The following PLEKHA4 variants were observed in gnomAD, a reference collection of about 807,000 sequenced individuals.
The protein encoded by PLEKHA4 is pleckstrin homology domain-containing family A member 4.
Under a neutral mutation model 94.7 loss-of-function variants are expected in PLEKHA4, and 73 were observed. The observed-to-expected ratio is 0.77, with a 90% CI of 0.64 to 0.94. The LOEUF (loss-of-function observed/expected upper bound fraction) is 0.94, where lower values mean the gene tolerates loss of function less well. Ranked by LOEUF, PLEKHA4 falls within the 40% of genes least tolerant of loss-of-function variation. The pLI, the probability that PLEKHA4 is intolerant of heterozygous loss-of-function variation, is 0.00. For synonymous variants in PLEKHA4, 449 were observed against 437.1 expected, an observed-to-expected ratio of 1.03 and a Z score of -0.34; for missense variants, 1,049 against 1,054.1, an observed-to-expected ratio of 1.00 and a Z score of 0.07.
chr19:48,848,261 C>A (rs189042854), intron 13 of PLEKHA4, among the ~76,000 whole-genome samples: 1 of 148,754 alleles, frequency 6.7e-6, no homozygotes, highest in Non-Finnish European at 1.5e-5. Context: ...CCGAGGCGGG[C>A]GGATCACGAG....
chr19:48,850,647 G>A (rs1402872958), intron 13 of PLEKHA4, among the ~76,000 whole-genome samples: 2 of 147,648 alleles, frequency 1.4e-5, no homozygotes, highest in Admixed American at 6.8e-5. Flanking sequence ...GAGAAACCCC[G>A]TCTCTCATAA....
At chr19:48,839,608 A>T (rs1327200139) in intron 17 of PLEKHA4, among the ~76,000 whole-genome samples, 1 of 151,768 alleles carries the variant, frequency 6.6e-6, no homozygotes, top group African/African-American at 2.4e-5. Context: ...TTTAGTAGAG[A>T]CAGAGTCTTG....
At position 48,860,299 on chromosome 19, in the gene PLEKHA4, G is replaced by A. The variant is rs1285047058; in HGVS notation, c.476+51C>T. On this transcript the variant is annotated intron_variant, in intron 6 of 19. Transcript: ENST00000263265. ...CCCAAAGGGGAGGAGTTGGGATGAC[G>A]AGACTGACTCAGGGTGGAGGGTCAG... is the stretch of plus-strand genomic sequence containing the variant. 2.3e-5 allele frequency: 34 copies of A among 1,494,664 alleles called. No individual in the cohort carries two copies. In the Admixed American group the frequency reaches 5.7e-4, roughly 25 times the overall value. 92.6% of individuals were successfully genotyped at this position (1,494,664 alleles called of 1,614,324 possible).
intron 18 of PLEKHA4, among the ~76,000 whole-genome samples, chr19:48,838,980 C>G (rs17206679): frequency 0.1 from 15,257 of 151,814 alleles, 1,032 homozygotes; most frequent in Non-Finnish European, 0.15. Flanking sequence ...TTCCTTGATG[C>G]AGAAGTAGGA....
chr19:48,858,850 C>G lies in PLEKHA4; in HGVS notation c.972+10G>C, dbSNP rs896340286. On this transcript the variant is annotated intron_variant, in intron 8 of 19. Coordinates refer to ENST00000263265, the MANE Select transcript of PLEKHA4 (RefSeq NM_020904.3). ...AAACGTAGTCCCCTCCTTCTCACCTCTCTGCTCACCTGTGTTCTGGGCTCC... is the reference window on the plus strand; with the variant it reads ...AAACGTAGTCCCCTCCTTCTCACCTGTCTGCTCACCTGTGTTCTGGGCTCC... 9.3e-6 allele frequency: 15 copies of G among 1,613,298 alleles called. No individual in the cohort carries two copies. The highest frequency in any genetic ancestry group is 1.2e-5 in the Non-Finnish European group (14 of 1,179,798).
chr19:48,859,698 A>G lies in PLEKHA4; in HGVS notation c.477-14T>C, dbSNP rs1599921452. The G allele has an allele frequency of 1.9e-6, 3 of 1,605,626 alleles. No individual in the cohort carries two copies. The highest frequency in any genetic ancestry group is 2.7e-5 in the African/African-American group (2 of 74,818). On this transcript the variant is annotated splice_polypyrimidine_tract_variant and intron_variant, in intron 6 of 19. Transcript: ENST00000263265. ...CTGGGTTGCCCACTAGCGAGTGGAC[A>G]TAGACAAGATATCACTCCTTCGAAC...
chr19:48,845,995 A>T (rs2035955770), intron 14 of PLEKHA4, among the ~76,000 whole-genome samples: 1 of 144,486 alleles, frequency 6.9e-6, no homozygotes, highest in African/African-American at 2.6e-5. Flanking sequence ...TGGGCGGCAG[A>T]GCAAGACTCT....
intron 3 of PLEKHA4, among the ~76,000 whole-genome samples, chr19:48,862,828 T>C (rs2036696177): frequency 6.6e-6 from 1 of 152,244 alleles, no homozygotes; most frequent in Admixed American, 6.5e-5. Flanking sequence ...TTTCAAACTA[T>C]GCTCTGGAAC....
chr19:48,858,705 G>T (rs1223968038), intron 8 of PLEKHA4, among the ~76,000 whole-genome samples, 155 bp downstream of exon 8: 1 of 149,176 alleles, frequency 6.7e-6, no homozygotes, highest in Non-Finnish European at 1.5e-5. Flanking sequence ...CTGGACACCT[G>T]ATAGGTTCAA....
chr19:48,845,816 C>T (rs2035948073), intron 14 of PLEKHA4, among the ~76,000 whole-genome samples, 200 bp from the exon 15 acceptor site: 1 of 150,978 alleles, frequency 6.6e-6, no homozygotes, highest in Admixed American at 6.6e-5. Context: ...TCCAGACCAG[C>T]TTAGTCCAAC....
At chr19:48,851,455 A>G in intron 13 of PLEKHA4, among the ~76,000 whole-genome samples, 1 of 151,062 alleles carries the variant, frequency 6.6e-6, no homozygotes, top group East Asian at 2.0e-4. Flanking sequence ...CGTCTCTACT[A>G]AAAATACAAA....
In PLEKHA4 at chr19:48,857,483, G is replaced by A; in HGVS notation, c.986C>T (p.Ser329Phe). The A allele has an allele frequency of 6.4e-7, 1 of 1,559,840 alleles. No individual in the cohort carries two copies. Among genetic ancestry groups the A allele is most frequent in the South Asian group, 1.2e-5 (1 of 85,128 alleles). Residue 329 changes from serine to phenylalanine, a missense_variant, in exon 9 of 20, where the codon TCC (serine) becomes TTC (phenylalanine). By Grantham distance (155) the Ser-to-Phe change is radical. Coordinates refer to ENST00000263265, the MANE Select transcript of PLEKHA4 (RefSeq NM_020904.3). ...CGGGGGGAGCTGGAGATAAGTGGGG[G>A]AGCCAGAGTGTGCCTGGGAGGAACG... ...QEPRTQAHSG[S>F]PTYLQLPPRP...
In PLEKHA4 at chr19:48,859,799, A is replaced by T; in HGVS notation, c.477-115T>A. 6 of 921,680 alleles carry T rather than the reference A, an allele frequency of 6.5e-6. No homozygotes were observed. In the South Asian group the frequency reaches 9.0e-5, roughly 14 times the overall value. The allele number at this position is 921,680 out of a possible 1,614,324, so 57.1% of individuals were successfully genotyped here. On this transcript the variant is annotated intron_variant, in intron 6 of 19. Coordinates refer to ENST00000263265, the MANE Select transcript of PLEKHA4 (RefSeq NM_020904.3). ...CAAAAAAGGAAAGTTGTGCACTATA[A>T]ATCATCGTCCCCCTTCTTCAGAAGG...
chr19:48,861,426 G>A lies in PLEKHA4; in HGVS notation c.341C>T (p.Pro114Leu), dbSNP rs1200113797. 1.9e-6 allele frequency: 3 copies of A among 1,613,894 alleles called. No individual in the cohort carries two copies. The highest frequency in any genetic ancestry group is 1.1e-5 in the South Asian group (1 of 91,066). Residue 114 changes from proline to leucine, a missense_variant, in exon 5 of 20, where the codon CCC (proline) becomes CTC (leucine). Pro to Leu is a moderately conservative substitution (Grantham distance 98). Coordinates refer to ENST00000263265, the MANE Select transcript of PLEKHA4 (RefSeq NM_020904.3). ...GGTGAAGGTGAAGCGCCGCCCTCGG[G>A]GGGCTCCCGGCCCATCTGGTCTAAT... The part of the protein sequence containing the change: ...YNIRPDGPGA[P>L]RGRRFTFTAE...
intron 2 of PLEKHA4, among the ~76,000 whole-genome samples, chr19:48,866,662 A>G (rs1193976281): frequency 6.6e-6 from 1 of 152,064 alleles, no homozygotes; most frequent in Non-Finnish European, 1.5e-5. Flanking sequence ...AAGAGGCTGT[A>G]GGGAAGCAAT....
chr19:48,861,131 C>T (rs1186909210), intron 5 of PLEKHA4, among the ~76,000 whole-genome samples: 1 of 152,092 alleles, frequency 6.6e-6, no homozygotes, highest in Non-Finnish European at 1.5e-5. Context: ...TCCGTTGAAC[C>T]CAGGAGGCGG....
At chr19:48,852,172 T>C (rs1044837360) in intron 13 of PLEKHA4, 56 bp downstream of exon 13, 1 of 1,373,376 alleles carries the variant, frequency 7.3e-7, no homozygotes, top group African/African-American at 1.4e-5. Flanking sequence ...TAAAAGGATT[T>C]CCAGGCAGAA....
Position 48,841,135 on chromosome 19 carries a change from C to G in PLEKHA4, c.1905+14G>C. On this transcript the variant is annotated intron_variant, in intron 17 of 19. Transcript: ENST00000263265. ...TACCACCCCACCGCCCAGCCCCAGCCCTCCTCCCCTCACCCTTTGCTCCAC... is the reference window on the plus strand; with the variant it reads ...TACCACCCCACCGCCCAGCCCCAGCGCTCCTCCCCTCACCCTTTGCTCCAC... 1 of 1,602,666 alleles carries G rather than the reference C, an allele frequency of 6.2e-7. No individual in the cohort carries two copies. The highest frequency in any genetic ancestry group is 2.3e-5 in the East Asian group (1 of 44,442).
intron 2 of PLEKHA4, 126 bp from the exon 3 acceptor site, chr19:48,865,736 C>A: frequency 1.6e-6 from 1 of 624,714 alleles, no homozygotes; most frequent in Non-Finnish European, 2.9e-6. Context: ...AAGGACCAGC[C>A]GGGCGCAGTG....
Sources: gnomAD v4.1 joint callset for allele counts (sites outside exome capture counted in the v4.1 genomes callset) on GRCh38, gnomAD v4.1.1 for gene constraint, MANE v1.5 for transcripts, NCBI Gene and HGNC (gene_info 2026-07-23, HGNC 2026-07-21) for gene names.